Variants in GUCY1A2 observed in about 807,000 individuals in gnomAD.
GUCY1A2 encodes guanylate cyclase soluble subunit alpha-2.
Under a neutral mutation model 63.5 loss-of-function variants are expected in GUCY1A2, and 27 were observed. The observed-to-expected ratio is 0.43, with a 90% CI of 0.31 to 0.59. GUCY1A2 has a LOEUF of 0.59. Ranked by LOEUF, GUCY1A2 falls within the 20% of genes least tolerant of loss-of-function variation. The pLI, the probability that GUCY1A2 is intolerant of heterozygous loss-of-function variation, is 0.11. For synonymous variants in GUCY1A2, 364 were observed against 343.5 expected, an observed-to-expected ratio of 1.06 and a Z score of -0.66; for missense variants, 768 against 913.3, an observed-to-expected ratio of 0.84 and a Z score of 2.05.
At chr11:106,830,622 C>T (rs907562075) in intron 4 of GUCY1A2, among the ~76,000 whole-genome samples, 6 of 152,192 alleles carry the variant, frequency 3.9e-5, no homozygotes, top group Admixed American at 3.9e-4. Context: ...TTCCTGCTCT[C>T]GAACAACAGA....
At chr11:106,897,352 C>T (rs943870094) in intron 4 of GUCY1A2, among the ~76,000 whole-genome samples, 4 of 151,930 alleles carry the variant, frequency 2.6e-5, no homozygotes, top group Admixed American at 6.6e-5. Flanking sequence ...CTGATTCTTA[C>T]GTTTACATGA....
intron 4 of GUCY1A2, among the ~76,000 whole-genome samples, chr11:106,829,219 C>T (rs890159376): frequency 4.6e-5 from 7 of 152,198 alleles, no homozygotes; most frequent in Admixed American, 4.6e-4. Context: ...GTGTGGAACA[C>T]ACAATCACAA....
intron 4 of GUCY1A2, among the ~76,000 whole-genome samples, chr11:106,830,716 G>A (rs1037207805): frequency 2.0e-5 from 3 of 152,126 alleles, no homozygotes; most frequent in African/African-American, 7.2e-5. Flanking sequence ...CTCACCTTAT[G>A]ATTGTGTGAG....
chr11:106,969,606 A>C (rs1301405115), intron 3 of GUCY1A2, among the ~76,000 whole-genome samples: 1 of 152,244 alleles, frequency 6.6e-6, no homozygotes, highest in Non-Finnish European at 1.5e-5. Context: ...AAATGTGACA[A>C]GTCACTATAA....
chr11:107,011,542 AT>A (rs1219396557), intron 1 of GUCY1A2, among the ~76,000 whole-genome samples: 1 of 146,856 alleles, frequency 6.8e-6, no homozygotes, highest in African/African-American at 2.5e-5. Flanking sequence ...AATATATTAA[AT>A]ATATAAATAT....
intron 1 of GUCY1A2, among the ~76,000 whole-genome samples, chr11:106,989,969 G>A (rs1861450422): frequency 6.6e-6 from 1 of 152,166 alleles, no homozygotes; most frequent in Non-Finnish European, 1.5e-5. Flanking sequence ...TGTGCAACAG[G>A]ATTGCTGAGT....
chr11:106,726,187 G>C (rs1001109365), intron 6 of GUCY1A2, among the ~76,000 whole-genome samples: 2 of 152,138 alleles, frequency 1.3e-5, no homozygotes, highest in African/African-American at 2.4e-5. Context: ...GGCTGAAGCA[G>C]GCAGATTGCC....
rs549912119 is a variant in GUCY1A2, at chr11:106,882,436, T to C, written c.1206+57024A>G. Among the ~76,000 whole-genome samples, 16 of 152,104 alleles carry C rather than the reference T, an allele frequency of 1.1e-4. 1 individual carries two copies. The highest frequency in any genetic ancestry group is 2.9e-4 in the African/African-American group (12 of 41,548). On this transcript the variant is annotated intron_variant, in intron 4 of 7. Transcript: ENST00000526355. ...TTGTAAGAATTTAATGGAGTCAAGA[T>C]TTATAACAAGTAGCTCAAAACTGGG... is the stretch of plus-strand genomic sequence containing the variant.
At chr11:106,709,353 T>G (rs1361069965) in intron 6 of GUCY1A2, among the ~76,000 whole-genome samples, 1 of 98,820 alleles carries the variant, frequency 1.0e-5, no homozygotes, top group African/African-American at 4.4e-5. Context: ...AATTTATATA[T>G]TTTATATAAT....
intron 4 of GUCY1A2, among the ~76,000 whole-genome samples, chr11:106,837,919 CA>C (rs1859138904): frequency 6.6e-6 from 1 of 151,900 alleles, no homozygotes; most frequent in Non-Finnish European, 1.5e-5. Context: ...GCAGAACATG[CA>C]GTCTGGTCAC....
At chr11:106,933,087 C>CAACAA (rs1860625914) in intron 4 of GUCY1A2, among the ~76,000 whole-genome samples, 1 of 151,848 alleles carries the variant, frequency 6.6e-6, no homozygotes, top group Admixed American at 6.6e-5. Flanking sequence ...GTCCCAAAAG[C>CAACAA]AACAAAACAA....
intron 3 of GUCY1A2, among the ~76,000 whole-genome samples, chr11:106,957,802 T>C (rs1330920713): frequency 2.8e-5 from 4 of 144,098 alleles, no homozygotes; most frequent in African/African-American, 1.0e-4. Flanking sequence ...CCTCAACTGC[T>C]CCAACCAAGT....
intron 4 of GUCY1A2, among the ~76,000 whole-genome samples, chr11:106,925,799 A>G (rs1356478924): frequency 6.6e-6 from 1 of 152,228 alleles, no homozygotes; most frequent in African/African-American, 2.4e-5. Flanking sequence ...CAATTCACCT[A>G]TGCCATTCCA....
chr11:106,761,211 C>CT (rs1212987180), intron 6 of GUCY1A2, among the ~76,000 whole-genome samples: 1 of 152,170 alleles, frequency 6.6e-6, no homozygotes, highest in Non-Finnish European at 1.5e-5. Context: ...TAATCAAATA[C>CT]TTTTTTGATA....
intron 1 of GUCY1A2, among the ~76,000 whole-genome samples, chr11:107,010,552 G>T (rs1010564318): frequency 6.6e-6 from 1 of 152,078 alleles, no homozygotes; most frequent in African/African-American, 2.4e-5. Flanking sequence ...TAAATAGCAG[G>T]TGTAAGCAAA....
At chr11:106,827,919 T>C (rs1343893222) in intron 4 of GUCY1A2, 63 of 1,357,888 alleles carry the variant, frequency 4.6e-5, no homozygotes, top group Non-Finnish European at 6.5e-5. Context: ...GTTTACTGAA[T>C]ATCGCGGCGG....
chr11:107,004,614 T>G (rs993437836), intron 1 of GUCY1A2, among the ~76,000 whole-genome samples: 1 of 152,182 alleles, frequency 6.6e-6, no homozygotes, highest in Non-Finnish European at 1.5e-5. Context: ...TTGTGTAACT[T>G]AAATTATAAG....
chr11:106,798,965 A>T lies in GUCY1A2; in HGVS notation c.1692+11028T>A, dbSNP rs187097822. ...AAGGGTATTCAATTAGGAAGAGAGG[A>T]AGTCAAATTGTCTGTTTGCAGATGA... On this transcript the variant is annotated intron_variant, in intron 5 of 7. Coordinates refer to ENST00000526355, the MANE Select transcript of GUCY1A2 (RefSeq NM_000855.3). 2.8e-3 allele frequency among the ~76,000 whole-genome samples: 432 copies of T among 152,308 alleles called. 12 individuals are homozygous for T. Among genetic ancestry groups the T allele is most frequent in the Admixed American group, 0.027 (418 of 15,288 alleles).
At chr11:106,961,295 C>T (rs887496851) in intron 3 of GUCY1A2, among the ~76,000 whole-genome samples, 13 of 151,776 alleles carry the variant, frequency 8.6e-5, no homozygotes, top group Non-Finnish European at 1.9e-4. Flanking sequence ...AAAACACAAG[C>T]AGAAGCAGGA....
Sources: gnomAD v4.1 joint callset for allele counts (sites outside exome capture counted in the v4.1 genomes callset) on GRCh38, gnomAD v4.1.1 for gene constraint, MANE v1.5 for transcripts, NCBI Gene and HGNC (gene_info 2026-07-23, HGNC 2026-07-21) for gene names.